The following KIF9 variants were observed in gnomAD, a reference collection of about 807,000 sequenced individuals.
KIF9 encodes kinesin-like protein KIF9.
Under a neutral mutation model 94.8 loss-of-function variants are expected in KIF9, and 68 were observed. The ratio of observed to expected loss-of-function variants is 0.72; its 90% CI spans 0.59 to 0.88. The LOEUF (loss-of-function observed/expected upper bound fraction) is 0.88. KIF9 is among the 40% of genes least tolerant of loss of function. The probability of loss-of-function intolerance (pLI) is 0.00; values close to 1 mark genes in which losing one functional copy is unlikely to be tolerated. For synonymous variants in KIF9, 343 were observed against 362.1 expected (o/e 0.95, Z 0.60); for missense variants, 882 against 982.5 (o/e 0.90, Z 1.37).
At chr3:47,255,104 T>C (rs1700492296) in intron 10 of KIF9, among the ~76,000 whole-genome samples, 1 of 152,218 alleles carries the variant, frequency 6.6e-6, no homozygotes, top group African/African-American at 2.4e-5. Flanking sequence ...GGCTTACAAA[T>C]GCTCCTTTCT....
intron 5 of KIF9, among the ~76,000 whole-genome samples, chr3:47,270,508 G>C (rs1424782179): frequency 6.6e-6 from 1 of 152,068 alleles, no homozygotes; most frequent in Non-Finnish European, 1.5e-5. Context: ...ACCCACCTCA[G>C]CCTCCCAAAG....
intron 17 of KIF9, among the ~76,000 whole-genome samples, chr3:47,238,765 C>A (rs914176630): frequency 1.3e-5 from 2 of 151,986 alleles, no homozygotes; most frequent in African/African-American, 4.8e-5. Flanking sequence ...GGTTTTACAC[C>A]ATTCTCCTGC....
At chr3:47,254,378 A>G (rs892370670) in intron 10 of KIF9, among the ~76,000 whole-genome samples, 7 of 152,210 alleles carry the variant, frequency 4.6e-5, no homozygotes, top group African/African-American at 1.7e-4. Flanking sequence ...GAATAGCTTG[A>G]GCCTGGGAGG....
chr3:47,265,725 C>T lies in KIF9; in HGVS notation c.916+5G>A, dbSNP rs1212269667. ...CCTCCCTGGGCAGCAACTGTACCCC[C>T]TCACCTAACGAGTCCTTCAGAGCGT... On this transcript the variant is annotated splice_donor_5th_base_variant and intron_variant, in intron 8 of 20. Coordinates refer to ENST00000684063, the MANE Select transcript of KIF9 (RefSeq NM_182902.4). 1.2e-6 allele frequency: 2 copies of T among 1,613,824 alleles called. No homozygotes were observed. The highest frequency in any genetic ancestry group is 1.7e-5 in the Admixed American group (1 of 60,000).
chr3:47,264,076 G>A (rs1004000233), intron 9 of KIF9: 5 of 577,174 alleles, frequency 8.7e-6, no homozygotes, highest in Non-Finnish European at 1.3e-5. Context: ...CCTGCTGGCT[G>A]GCCCTTTTCC....
At chr3:47,241,099 A>C in intron 16 of KIF9, 84 bp from the exon 17 acceptor site, 1 of 1,254,166 alleles carries the variant, frequency 8.0e-7, no homozygotes, top group South Asian at 1.3e-5. Flanking sequence ...CTTCCCTGGG[A>C]CTTCTGTGGC....
At chr3:47,247,344 A>G in intron 12 of KIF9, 29 bp downstream of exon 12, 1 of 1,498,700 alleles carries the variant, frequency 6.7e-7, no homozygotes, top group South Asian at 1.1e-5. Context: ...AGGCTGGCTG[A>G]GCATAGTGGT....
At chr3:47,259,828 G>A (rs201784662) in intron 9 of KIF9, among the ~76,000 whole-genome samples, 2,829 of 105,306 alleles carry the variant, frequency 0.027, 113 homozygotes, top group East Asian at 0.12. Context: ...CAAAAACTGC[G>A]GAAGGCCGCA....
rs190415537 is a variant in KIF9 at position 47,278,016 on chromosome 3, G to A, written c.-5-637C>T. On this transcript the variant is annotated intron_variant, in intron 1 of 20. Coordinates refer to ENST00000684063, the MANE Select transcript of KIF9 (RefSeq NM_182902.4). ...TCAGTGTGTGTGTGTGTGTGTATGC[G>A]TGTGCATATACATATATATAGTAGT... Among the ~76,000 whole-genome samples the A allele has an allele frequency of 3.1e-3, 477 of 151,988 alleles. 4 individuals are homozygous for A. Among genetic ancestry groups the A allele is most frequent in the Admixed American group, 9.8e-3 (149 of 15,258 alleles).
chr3:47,248,020 G>A lies in KIF9; in HGVS notation c.1126C>T (p.Leu376=), dbSNP rs774840966. The A allele has an allele frequency of 3.1e-6, 5 of 1,612,294 alleles. No individual in the cohort carries two copies. The highest frequency in any genetic ancestry group is 4.2e-6 in the Non-Finnish European group (5 of 1,178,586). ...CTTCTTTGCCTCTAGCCTCTTACCAGGCTGTCATGGATAGCCAGCTCCTGC... is the reference window on the plus strand; with the variant it reads ...CTTCTTTGCCTCTAGCCTCTTACCAAGCTGTCATGGATAGCCAGCTCCTGC... ...LKQELAIHDS[L]TNRTFVTYDP... is the part of the protein sequence containing the mutation. The change falls in exon 11 of 21, where the codon CTG becomes TTG. Residue 376 remains leucine, a splice_region_variant and synonymous_variant. Transcript: ENST00000684063.
chr3:47,254,191 C>T (rs940388685), intron 10 of KIF9, among the ~76,000 whole-genome samples: 3 of 152,204 alleles, frequency 2.0e-5, no homozygotes, highest in Admixed American at 6.5e-5. Context: ...GGTGTGGTGG[C>T]TCACTCCTGT....
At chr3:47,270,307 G>A (rs1031055869) in intron 5 of KIF9, among the ~76,000 whole-genome samples, 6 of 150,850 alleles carry the variant, frequency 4.0e-5, no homozygotes, top group Middle Eastern at 3.2e-3. Flanking sequence ...AGGTTGGAGT[G>A]CAATGGTACG....
At chr3:47,250,318 A>G (rs1700189224) in intron 10 of KIF9, among the ~76,000 whole-genome samples, 1 of 152,192 alleles carries the variant, frequency 6.6e-6, no homozygotes, top group Non-Finnish European at 1.5e-5. Context: ...AGTAGCAGTT[A>G]CCGTATTAAA....
chr3:47,262,413 G>C (rs1576038421), intron 9 of KIF9, among the ~76,000 whole-genome samples: 1 of 151,940 alleles, frequency 6.6e-6, no homozygotes, highest in African/African-American at 2.4e-5. Flanking sequence ...GGGATTACAG[G>C]CGCCCGCCAC....
intron 1 of KIF9, among the ~76,000 whole-genome samples, chr3:47,278,012 A>G (rs552675866): frequency 2.8e-5 from 4 of 145,382 alleles, no homozygotes; most frequent in African/African-American, 5.6e-5. Context: ...GTGTGTGTGT[A>G]TGCGTGTGCA....
At chr3:47,239,452 G>A in intron 17 of KIF9, 1 of 569,494 alleles carries the variant, frequency 1.8e-6, no homozygotes, top group Non-Finnish European at 2.3e-6. Context: ...CACCATCACT[G>A]GCCTTCTCCA....
At chr3:47,270,905 G>A (rs1039474861) in intron 5 of KIF9, among the ~76,000 whole-genome samples, 9 of 145,778 alleles carry the variant, frequency 6.2e-5, no homozygotes, top group African/African-American at 1.8e-4. Context: ...TTGAGAGGCC[G>A]AAGTGGGAAG....
intron 1 of KIF9, among the ~76,000 whole-genome samples, chr3:47,279,289 A>G (rs1702172091): frequency 6.6e-6 from 1 of 152,002 alleles, no homozygotes; most frequent in East Asian, 1.9e-4. Context: ...CCTGGCCAAC[A>G]TGACGAAACC....
At chr3:47,279,613 T>C (rs1438850512) in intron 1 of KIF9, among the ~76,000 whole-genome samples, 1 of 151,852 alleles carries the variant, frequency 6.6e-6, no homozygotes, top group Admixed American at 6.6e-5. Flanking sequence ...TAATATTTTA[T>C]TTTATTTTAT....
Sources: gnomAD v4.1 joint callset for allele counts (sites outside exome capture counted in the v4.1 genomes callset) on GRCh38, gnomAD v4.1.1 for gene constraint, MANE v1.5 for transcripts, NCBI Gene and HGNC (gene_info 2026-07-23, HGNC 2026-07-21) for gene names.